The following NAALADL2 variants were observed in gnomAD, a reference collection of about 807,000 sequenced individuals.
The protein encoded by NAALADL2 is inactive N-acetylated-alpha-linked acidic dipeptidase-like protein 2.
NAALADL2 carries 76 observed loss-of-function variants against 87.2 expected under a neutral mutation model. That is an observed-to-expected ratio of 0.87 (90% CI 0.72 to 1.05). The LOEUF (loss-of-function observed/expected upper bound fraction) is 1.05. Among genes scored for constraint, NAALADL2 ranks in the 50% least tolerant of loss-of-function variants. The pLI is 0.00. For missense variants in NAALADL2, 1,089 were observed against 945.8 expected, an observed-to-expected ratio of 1.15 and a Z score of -1.99; for synonymous variants, 354 against 331.0, an observed-to-expected ratio of 1.07 and a Z score of -0.75.
chr3:174,561,361 A>G (rs1056130428), intron 2 of NAALADL2, among the ~76,000 whole-genome samples: 7 of 151,798 alleles, frequency 4.6e-5, no homozygotes, highest in African/African-American at 1.7e-4. Flanking sequence ...CACCATGCCC[A>G]GCTAATTTTT....
chr3:175,183,567 T>C (rs1736913657), intron 2 of NAALADL2, among the ~76,000 whole-genome samples: 1 of 152,132 alleles, frequency 6.6e-6, no homozygotes, highest in South Asian at 2.1e-4. Flanking sequence ...TTTTGTTAAA[T>C]TCTTTTTCTG....
chr3:174,800,776 G>A (rs2109248594), intron 3 of NAALADL2, among the ~76,000 whole-genome samples: 1 of 152,330 alleles, frequency 6.6e-6, no homozygotes, highest in South Asian at 2.1e-4. Flanking sequence ...AGCCACAGGA[G>A]CAGAGCTGCC....
At chr3:174,760,130 G>T (rs1712722291) in intron 3 of NAALADL2, among the ~76,000 whole-genome samples, 1 of 152,090 alleles carries the variant, frequency 6.6e-6, no homozygotes, top group Admixed American at 6.5e-5. Context: ...TGTATGCAAG[G>T]AAACTGATTG....
intron 1 of NAALADL2, among the ~76,000 whole-genome samples, chr3:174,527,935 C>G (rs1316268888): frequency 6.6e-6 from 1 of 152,146 alleles, no homozygotes; most frequent in African/African-American, 2.4e-5. Context: ...CAGGCCGAAT[C>G]TGGCTCAACA....
chr3:175,032,096 G>A (rs961691441), intron 1 of NAALADL2, among the ~76,000 whole-genome samples: 7 of 151,810 alleles, frequency 4.6e-5, no homozygotes, highest in African/African-American at 1.5e-4. Context: ...TTCTTTTGGT[G>A]TGCAGAAGCT....
intron 2 of NAALADL2, among the ~76,000 whole-genome samples, chr3:174,679,523 T>A (rs558014988): frequency 2.0e-5 from 3 of 152,278 alleles, no homozygotes; most frequent in African/African-American, 7.2e-5. Flanking sequence ...GTGGCTCACA[T>A]TGTATTTCTA....
At chr3:175,319,930 A>T (rs898939851) in intron 4 of NAALADL2, among the ~76,000 whole-genome samples, 6 of 152,240 alleles carry the variant, frequency 3.9e-5, no homozygotes, top group African/African-American at 1.2e-4. Context: ...ACAATGATAG[A>T]GAAGGTAAGC....
chr3:175,289,525 T>C (rs1221296916), intron 4 of NAALADL2, among the ~76,000 whole-genome samples: 1 of 152,098 alleles, frequency 6.6e-6, no homozygotes, highest in African/African-American at 2.4e-5. Flanking sequence ...ATTAAAAATA[T>C]TCTAGCAGAA....
chr3:174,920,086 A>G (rs1446981902), intron 1 of NAALADL2, among the ~76,000 whole-genome samples: 2 of 152,214 alleles, frequency 1.3e-5, no homozygotes, highest in Non-Finnish European at 2.9e-5. Context: ...TATAGAGTAC[A>G]TATAGACTCA....
chr3:175,534,861 G>A (rs944101499), intron 9 of NAALADL2, among the ~76,000 whole-genome samples: 5 of 151,316 alleles, frequency 3.3e-5, no homozygotes, highest in Admixed American at 1.3e-4. Flanking sequence ...TTACACAGCA[G>A]TTGCAGTAGT....
intron 2 of NAALADL2, among the ~76,000 whole-genome samples, chr3:174,594,668 T>C (rs1329976040): frequency 2.0e-5 from 3 of 152,208 alleles, no homozygotes; most frequent in African/African-American, 7.2e-5. Context: ...ATCTGGCTGC[T>C]AGTAAGAATC....
intron 2 of NAALADL2, among the ~76,000 whole-genome samples, chr3:175,166,833 A>G (rs935192903): frequency 6.6e-6 from 1 of 152,102 alleles, no homozygotes; most frequent in Non-Finnish European, 1.5e-5. Flanking sequence ...CTGAAAAGGA[A>G]CTCTTGAATT....
At chr3:175,324,957 G>C (rs1760505271) in intron 5 of NAALADL2, among the ~76,000 whole-genome samples, 1 of 152,164 alleles carries the variant, frequency 6.6e-6, no homozygotes, top group Admixed American at 6.5e-5. Context: ...GATTTTGGCA[G>C]ATGCTCACCG....
intron 1 of NAALADL2, among the ~76,000 whole-genome samples, chr3:175,023,658 A>T (rs1751852026): frequency 6.6e-6 from 1 of 152,102 alleles, no homozygotes; most frequent in Non-Finnish European, 1.5e-5. Context: ...AAATAATTTT[A>T]TAACAAATAT....
chr3:175,313,989 G>C (rs1483642225), intron 4 of NAALADL2, among the ~76,000 whole-genome samples: 5 of 151,238 alleles, frequency 3.3e-5, no homozygotes, highest in Non-Finnish European at 7.4e-5. Flanking sequence ...TTGAACCCGG[G>C]AGGCGGAGGC....
intron 1 of NAALADL2, among the ~76,000 whole-genome samples, chr3:174,978,246 C>T (rs1744632786): frequency 6.6e-6 from 1 of 152,300 alleles, no homozygotes; most frequent in South Asian, 2.1e-4. Flanking sequence ...GGAGTTGAAA[C>T]ATTTTAAGTT....
intron 2 of NAALADL2, among the ~76,000 whole-genome samples, chr3:175,194,774 G>C (rs185161410): frequency 6.6e-6 from 1 of 151,730 alleles, no homozygotes; most frequent in Admixed American, 6.6e-5. Flanking sequence ...TTTTGTTCAA[G>C]TTATTAAGAT....
Position 175,166,041 on chromosome 3 carries a change from T to G in NAALADL2, c.546-67890T>G, listed in dbSNP as rs79016413. Among the ~76,000 whole-genome samples, 8 of 27,590 alleles carry G rather than the reference T, an allele frequency of 2.9e-4. No homozygotes were observed. The Admixed American group carries it at 3.2e-3, about 11-fold the overall frequency. The allele number at this position is 27,590 out of a possible 152,430, so 18.1% of individuals were successfully genotyped here. A position where few individuals can be genotyped will look rare whatever the true frequency, so the allele number is the denominator to read the frequency against. On this transcript the variant is annotated intron_variant, in intron 2 of 13. Transcript: ENST00000454872. ...CTCTTGCATATAAGGGACTCCATATTTTTTTTTTTTTTTACTCTTCTAAAA... is the reference window on the plus strand; with the variant it reads ...CTCTTGCATATAAGGGACTCCATATGTTTTTTTTTTTTTACTCTTCTAAAA...
intron 4 of NAALADL2, among the ~76,000 whole-genome samples, chr3:175,290,779 A>G (rs1412540412): frequency 6.6e-6 from 1 of 152,168 alleles, no homozygotes; most frequent in Non-Finnish European, 1.5e-5. Context: ...AAACCTCACT[A>G]TAACCACAGG....
Sources: gnomAD v4.1 joint callset for allele counts (sites outside exome capture counted in the v4.1 genomes callset) on GRCh38, gnomAD v4.1.1 for gene constraint, MANE v1.5 for transcripts, NCBI Gene and HGNC (gene_info 2026-07-23, HGNC 2026-07-21) for gene names.